The following TG variants were observed in gnomAD, a reference collection of about 807,000 sequenced individuals.
TG encodes the protein thyroid hormones.
TG carries 270 observed loss-of-function variants against 324.7 expected under a neutral mutation model. The observed-to-expected ratio is 0.83, with a 90% CI of 0.75 to 0.92. The LOEUF is 0.92. Ranked by LOEUF, TG falls within the 40% of genes least tolerant of loss-of-function variation. The probability of loss-of-function intolerance (pLI) is 0.00; values close to 1 mark genes in which losing one functional copy is unlikely to be tolerated. For missense variants in TG, 3,591 were observed against 3,456.4 expected (o/e 1.04, Z -0.98); for synonymous variants, 1,401 against 1,327.0 (o/e 1.06, Z -1.21).
intron 41 of TG, among the ~76,000 whole-genome samples, chr8:133,081,690 C>A (rs966653732): frequency 6.6e-6 from 1 of 151,850 alleles, no homozygotes; most frequent in African/African-American, 2.4e-5. Flanking sequence ...CATTGCTCAA[C>A]CTAGACCCAC....
intron 26 of TG, among the ~76,000 whole-genome samples, chr8:132,942,523 C>T (rs2741216): frequency 0.52 from 78,959 of 151,970 alleles, 21,902 homozygotes; most frequent in Non-Finnish European, 0.61. Context: ...CAGGAGACTC[C>T]AATTGATCAC....
At chr8:132,914,035 C>G (rs902150909) in intron 20 of TG, among the ~76,000 whole-genome samples, 1 of 152,204 alleles carries the variant, frequency 6.6e-6, no homozygotes, top group African/African-American at 2.4e-5. Context: ...TCTCTGACCC[C>G]TCTTCCCTGG....
intron 35 of TG, among the ~76,000 whole-genome samples, chr8:132,995,979 GA>G (rs1832841271): frequency 6.6e-6 from 1 of 152,186 alleles, no homozygotes; most frequent in Non-Finnish European, 1.5e-5. Flanking sequence ...CCTGCAATGA[GA>G]AGCCACAGGG....
At chr8:133,077,581 T>G (rs7823628) in intron 41 of TG, among the ~76,000 whole-genome samples, 40,650 of 152,126 alleles carry the variant, frequency 0.27, 6,004 homozygotes, top group African/African-American at 0.37. Context: ...GAATGGAGGT[T>G]TTGGCCCTGG....
rs1310072154 is a variant in TG, at chr8:132,887,041, A to G, written c.1669A>G (p.Asn557Asp). Residue 557 changes from asparagine to aspartate, a missense_variant, in exon 9 of 48, where the codon AAC becomes GAC. Coordinates refer to ENST00000220616, the MANE Select transcript of TG (RefSeq NM_003235.5). Reference sequence around the variant, plus strand: ...TGTGGGCAGCTTTGGCTTTGAAATTAACCTACAAGAGAACCAAAATGCCCT... The same window carrying G: ...TGTGGGCAGCTTTGGCTTTGAAATTGACCTACAAGAGAACCAAAATGCCCT... ...PTVGSFGFEINLQENQNALKF... is the reference protein window; with the variant it reads ...PTVGSFGFEIDLQENQNALKF... 2.5e-6 allele frequency: 4 copies of G among 1,614,108 alleles called. No homozygotes were observed. Among genetic ancestry groups the G allele is most frequent in the Non-Finnish European group, 3.4e-6 (4 of 1,180,044 alleles).
intron 45 of TG, among the ~76,000 whole-genome samples, chr8:133,122,752 G>A (rs993820227): frequency 6.6e-6 from 1 of 152,170 alleles, no homozygotes; most frequent in Non-Finnish European, 1.5e-5. Flanking sequence ...GTGTATGCAT[G>A]TATGTGTATC....
At chr8:133,001,947 C>T in intron 35 of TG, 1 of 985,418 alleles carries the variant, frequency 1.0e-6, no homozygotes. Flanking sequence ...AAAGAAATTC[C>T]TCTTGGTTTT....
chr8:133,059,952 C>T, intron 41 of TG: 1 of 800,884 alleles, frequency 1.2e-6, no homozygotes, highest in Admixed American at 3.0e-5. Flanking sequence ...GTATTTGAAC[C>T]ACAAACAAAA....
intron 41 of TG, among the ~76,000 whole-genome samples, chr8:133,064,346 G>A (rs1332538094): frequency 6.6e-6 from 1 of 152,228 alleles, no homozygotes; most frequent in African/African-American, 2.4e-5. Flanking sequence ...TTGCCTTTGT[G>A]TGCTACAGGA....
rs548797571 is a variant in TG, at chr8:133,033,768, T to C, written c.7239+3745T>C. ...TGAAGCCTCCAAGCCTTTCCTCATC[T>C]CTTGAAACAGAAGGAAAGAATCTCA... On this transcript the variant is annotated intron_variant, in intron 41 of 47. Transcript: ENST00000220616. 6.8e-4 allele frequency among the ~76,000 whole-genome samples: 103 copies of C among 152,356 alleles called. 1 individual carries two copies. The highest frequency in any genetic ancestry group is 4.1e-3 in the South Asian group (20 of 4,826).
intron 41 of TG, among the ~76,000 whole-genome samples, chr8:133,070,768 T>C (rs1265477768): frequency 6.6e-6 from 1 of 152,180 alleles, no homozygotes; most frequent in Non-Finnish European, 1.5e-5. Flanking sequence ...CAGAGGAGAA[T>C]GCACACAGGC....
At chr8:133,129,518 CAG>C (rs1334052512) in intron 45 of TG, among the ~76,000 whole-genome samples, 2 of 152,118 alleles carry the variant, frequency 1.3e-5, no homozygotes, top group African/African-American at 4.8e-5. Flanking sequence ...TTTTTTGAGA[CAG>C]AGTATCACTT....
intron 43 of TG, among the ~76,000 whole-genome samples, chr8:133,108,976 A>G (rs189941255): frequency 6.6e-6 from 1 of 152,156 alleles, no homozygotes; most frequent in African/African-American, 2.4e-5. Flanking sequence ...TTTCGTTGGG[A>G]TCTGTTAATA....
chr8:132,987,895 A>C (rs995118864), intron 35 of TG, among the ~76,000 whole-genome samples: 3 of 152,184 alleles, frequency 2.0e-5, no homozygotes, highest in Admixed American at 2.0e-4. Flanking sequence ...TCTCTAGAGC[A>C]ACAGAAATGC....
At chr8:133,127,814 T>C (rs994310866) in intron 45 of TG, among the ~76,000 whole-genome samples, 1 of 152,128 alleles carries the variant, frequency 6.6e-6, no homozygotes, top group Non-Finnish European at 1.5e-5. Flanking sequence ...CTGGCTCTCC[T>C]TGTGCTCAGC....
chr8:132,870,467 C>G (rs1839382395), intron 3 of TG, among the ~76,000 whole-genome samples: 1 of 150,304 alleles, frequency 6.7e-6, no homozygotes, highest in South Asian at 2.1e-4. Flanking sequence ...GGGTCCTCAT[C>G]TGTAACATGA....
chr8:133,063,457 TCTC>T (rs1842665181), intron 41 of TG: 1 of 152,030 alleles, frequency 6.6e-6, no homozygotes, highest in African/African-American at 2.4e-5. Context: ...CTATCATTCT[TCTC>T]AAGCATTTGC....
chr8:132,942,037 G>A (rs1824522945), intron 26 of TG, among the ~76,000 whole-genome samples: 1 of 152,198 alleles, frequency 6.6e-6, no homozygotes, highest in Non-Finnish European at 1.5e-5. Flanking sequence ...ACCAGGTCCT[G>A]TGATCAATAG....
At chr8:133,100,576 C>T (rs1849083168) in intron 43 of TG, among the ~76,000 whole-genome samples, 1 of 152,288 alleles carries the variant, frequency 6.6e-6, no homozygotes, top group African/African-American at 2.4e-5. Context: ...CAACTATTAC[C>T]CTATGAGGTG....
Sources: allele counts gnomAD v4.1 joint callset (sites outside exome capture counted in the v4.1 genomes callset), GRCh38; gene constraint gnomAD v4.1.1; transcripts MANE v1.5; gene names NCBI Gene and HGNC (gene_info 2026-07-23, HGNC 2026-07-21).